Variants in AUTS2 observed in about 807,000 individuals in gnomAD.
AUTS2 encodes the protein autism susceptibility gene 2 protein.
Under a neutral mutation model 112.4 loss-of-function variants are expected in AUTS2, and 17 were observed. The observed-to-expected ratio is 0.15, with a 90% CI of 0.10 to 0.23. The LOEUF (loss-of-function observed/expected upper bound fraction) is 0.23. Ranked by LOEUF, AUTS2 falls within the 10% of genes least tolerant of loss-of-function variation. The pLI, the probability that AUTS2 is intolerant of heterozygous loss-of-function variation, is 1.00. For synonymous variants in AUTS2, 751 were observed against 702.7 expected, an observed-to-expected ratio of 1.07 and a Z score of -1.09; for missense variants, 1,510 against 1,701.6, an observed-to-expected ratio of 0.89 and a Z score of 1.98.
chr7:70,173,226 A>G (rs1435722444), intron 4 of AUTS2, among the ~76,000 whole-genome samples: 1 of 151,994 alleles, frequency 6.6e-6, no homozygotes, highest in African/African-American at 2.4e-5. Flanking sequence ...AAAATGCAAA[A>G]AATTAGCCAG....
chr7:70,139,051 A>G (rs949034003), intron 4 of AUTS2, among the ~76,000 whole-genome samples: 1 of 152,122 alleles, frequency 6.6e-6, no homozygotes, highest in Non-Finnish European at 1.5e-5. Context: ...CTGCAGCCTC[A>G]GCCTTTCTGG....
chr7:70,362,095 T>G, intron 4 of AUTS2, among the ~76,000 whole-genome samples: 1 of 152,210 alleles, frequency 6.6e-6, no homozygotes, highest in East Asian at 1.9e-4. Flanking sequence ...AATGCTGATT[T>G]ATGCAGAACT....
intron 1 of AUTS2, among the ~76,000 whole-genome samples, chr7:69,805,352 A>T (rs946186832): frequency 2.6e-5 from 4 of 152,220 alleles, no homozygotes; most frequent in Non-Finnish European, 5.9e-5. Flanking sequence ...TACGTTAGAC[A>T]AACTGCCATG....
In AUTS2 at chr7:69,599,934, C is replaced by G; in HGVS notation, c.281C>G (p.Thr94Ser). The change falls in exon 1 of 19, where the codon ACC becomes AGC. Residue 94 changes from threonine to serine, a missense_variant. Transcript: ENST00000342771. The surrounding 1 kb of genome is among the most constrained non-coding windows in gnomAD (Gnocchi z 7.0). ...EEDIIDGFAM[T>S]SFVTFEALEK... ...GACATCATTGATGGATTTGCCATGA[C>G]CAGCTTTGTCACTTTTGAAGCGCTG... The G allele has an allele frequency of 6.2e-7, 1 of 1,613,626 alleles. No individual in the cohort carries two copies. Among genetic ancestry groups the G allele is most frequent in the Non-Finnish European group, 8.5e-7 (1 of 1,179,918 alleles).
intron 5 of AUTS2, among the ~76,000 whole-genome samples, chr7:70,460,482 C>T (rs1796920484): frequency 6.6e-6 from 1 of 151,258 alleles, no homozygotes; most frequent in Non-Finnish European, 1.5e-5. Flanking sequence ...TCCTGAGTAG[C>T]TGGGATTACA....
At chr7:69,895,114 G>A (rs1017283901) in intron 1 of AUTS2, among the ~76,000 whole-genome samples, 2 of 152,124 alleles carry the variant, frequency 1.3e-5, no homozygotes, top group African/African-American at 4.8e-5. Context: ...GCATTGGTGG[G>A]TGTATATTTA....
intron 2 of AUTS2, among the ~76,000 whole-genome samples, chr7:70,025,273 G>C (rs973308485): frequency 6.6e-6 from 1 of 152,028 alleles, no homozygotes; most frequent in African/African-American, 2.4e-5. Context: ...TTAAAGAGCT[G>C]CTAGCTTTTA....
intron 2 of AUTS2, among the ~76,000 whole-genome samples, chr7:69,934,478 A>T (rs1160491804): frequency 6.6e-6 from 1 of 152,148 alleles, no homozygotes; most frequent in African/African-American, 2.4e-5. Flanking sequence ...TTTGAAGTGG[A>T]ATTATCCTGA....
chr7:69,743,872 C>CT (rs1187488627), intron 1 of AUTS2, among the ~76,000 whole-genome samples: 1 of 152,150 alleles, frequency 6.6e-6, no homozygotes, highest in African/African-American at 2.4e-5. Flanking sequence ...TCATAGCTCA[C>CT]TATAACTTGG....
intron 2 of AUTS2, among the ~76,000 whole-genome samples, chr7:70,005,539 A>G (rs1799508363): frequency 6.6e-6 from 1 of 152,200 alleles, no homozygotes; most frequent in Non-Finnish European, 1.5e-5. Context: ...GAACAGAGGA[A>G]TTACCATCTA....
intron 5 of AUTS2, among the ~76,000 whole-genome samples, chr7:70,494,231 A>G (rs1296431007): frequency 1.3e-5 from 2 of 152,270 alleles, no homozygotes; most frequent in East Asian, 3.9e-4. Flanking sequence ...AAAGAAACAG[A>G]TATCAAATTG....
intron 2 of AUTS2, among the ~76,000 whole-genome samples, chr7:69,949,027 G>A (rs950448029): frequency 2.6e-5 from 4 of 151,880 alleles, no homozygotes; most frequent in African/African-American, 7.3e-5. Context: ...GGCTGGTCTC[G>A]AGCTCCTGAC....
intron 2 of AUTS2, among the ~76,000 whole-genome samples, chr7:70,068,828 TC>T (rs1470617790): frequency 9.9e-5 from 15 of 152,210 alleles, no homozygotes; most frequent in Admixed American, 9.8e-4. Context: ...CAGAAGGAAA[TC>T]CAAGTGATCA....
At chr7:70,571,214 G>T (rs1263961694) in intron 5 of AUTS2, among the ~76,000 whole-genome samples, 1 of 152,210 alleles carries the variant, frequency 6.6e-6, no homozygotes, top group Non-Finnish European at 1.5e-5. Flanking sequence ...ACTTGAGATT[G>T]AAGGCTCGCT....
chr7:70,789,779 C>G lies in AUTS2; in HGVS notation c.2563C>G (p.Pro855Ala). 1.2e-6 allele frequency: 2 copies of G among 1,613,996 alleles called. No individual in the cohort carries two copies. Among genetic ancestry groups the G allele is most frequent in the Non-Finnish European group, 1.7e-6 (2 of 1,179,918 alleles). The change falls in exon 19 of 19, where the codon CCT becomes GCT. Residue 855 changes from proline (P) to alanine (A), a missense_variant. Physicochemically the swap from Pro to Ala is conservative, Grantham distance 27. Around this residue, in one of 3 missense-constraint regions of AUTS2, gnomAD observed 788 missense variants for 797.6 expected, o/e 0.99. Coordinates refer to ENST00000342771, the MANE Select transcript of AUTS2 (RefSeq NM_015570.4). Reference protein sequence around the residue: ...ESVEKRHSSHPSPAPVLPVNA... With the variant: ...ESVEKRHSSHASPAPVLPVNA... ...CGTCGAGAAGAGACACTCCAGCCAC[C>G]CTTCACCAGCACCTGTCCTCCCGGT... is the stretch of plus-strand genomic sequence containing the variant.
chr7:69,723,162 G>A (rs1393544215), intron 1 of AUTS2, among the ~76,000 whole-genome samples: 3 of 152,040 alleles, frequency 2.0e-5, no homozygotes, highest in South Asian at 2.1e-4. Flanking sequence ...ATTCACAGCA[G>A]CCAGTGTAGG....
intron 4 of AUTS2, among the ~76,000 whole-genome samples, chr7:70,178,090 A>G (rs1378940592): frequency 2.0e-5 from 3 of 151,410 alleles, no homozygotes; most frequent in African/African-American, 7.3e-5. Context: ...TAATTTTTGT[A>G]TTTTTTGTAG....
chr7:69,775,557 T>C (rs1404921523), intron 1 of AUTS2, among the ~76,000 whole-genome samples: 1 of 152,186 alleles, frequency 6.6e-6, no homozygotes, highest in Non-Finnish European at 1.5e-5. Flanking sequence ...TTGACTTAGA[T>C]TGGTCTGGCT....
intron 1 of AUTS2, among the ~76,000 whole-genome samples, chr7:69,759,446 T>C (rs1487491876): frequency 6.6e-6 from 1 of 152,062 alleles, no homozygotes; most frequent in Non-Finnish European, 1.5e-5. Flanking sequence ...CTCATGTGAG[T>C]CCAGTGTAGA....
Sources: gnomAD v4.1 joint callset for allele counts (sites outside exome capture counted in the v4.1 genomes callset) on GRCh38, gnomAD v4.1.1 for gene constraint, gnomAD v4.1.1 regional missense constraint, Gnocchi (gnomAD v3.1) non-coding constraint, MANE v1.5 for transcripts, NCBI Gene and HGNC (gene_info 2026-07-23, HGNC 2026-07-21) for gene names.